PTPRR: variants seen among roughly 807,000 people sequenced by gnomAD.
PTPRR encodes the protein protein tyrosine phosphatase receptor type R, also known as receptor-type tyrosine-protein phosphatase R.
In PTPRR, 38 loss-of-function variants were observed where a neutral mutation model predicts 77.2. The observed-to-expected ratio is 0.49, with a 90% CI of 0.38 to 0.65. The LOEUF is 0.65. Ranked by LOEUF, PTPRR falls within the 30% of genes least tolerant of loss-of-function variation. PTPRR has a pLI of 0.00. For synonymous variants in PTPRR, 299 were observed against 283.1 expected, an observed-to-expected ratio of 1.06 and a Z score of -0.57; for missense variants, 744 against 799.2, an observed-to-expected ratio of 0.93 and a Z score of 0.83.
At chr12:70,894,914 A>G (rs1036250396) in intron 1 of PTPRR, among the ~76,000 whole-genome samples, 1 of 151,770 alleles carries the variant, frequency 6.6e-6, no homozygotes, top group Non-Finnish European at 1.5e-5. Context: ...CTCGGAACTG[A>G]AGACATGATG....
chr12:70,884,590 AGGCGCGGT>A (rs1243275241), intron 2 of PTPRR, among the ~76,000 whole-genome samples: 1 of 151,982 alleles, frequency 6.6e-6, no homozygotes, highest in African/African-American at 2.4e-5. Flanking sequence ...TTTTTTTGCC[AGGCGCGGT>A]GGCTCACGCC....
At chr12:70,712,874 CT>C (rs1478839226) in intron 6 of PTPRR, among the ~76,000 whole-genome samples, 4 of 149,536 alleles carry the variant, frequency 2.7e-5, no homozygotes, top group African/African-American at 9.9e-5. Flanking sequence ...ACTCCCTCCT[CT>C]TTTTTATTGA....
chr12:70,687,299 T>C (rs1329562599), intron 8 of PTPRR, among the ~76,000 whole-genome samples: 1 of 12,224 alleles, frequency 8.2e-5, no homozygotes. Context: ...CACTAGGATA[T>C]TTGAAATAAA....
chr12:70,859,394 T>C (rs1190399374), intron 2 of PTPRR, among the ~76,000 whole-genome samples: 1 of 152,080 alleles, frequency 6.6e-6, no homozygotes, highest in Non-Finnish European at 1.5e-5. Context: ...GGTTGACAAC[T>C]ACTGACATAG....
Position 70,743,035 on chromosome 12 carries a change from T to C in PTPRR, c.1007+2783A>G, listed in dbSNP as rs77894950. On this transcript the variant is annotated intron_variant, in intron 6 of 13. Coordinates refer to ENST00000283228, the MANE Select transcript of PTPRR (RefSeq NM_002849.4). Reference sequence around the variant, plus strand: ...GTCTGGATTTCAACAGAAAGGTAGATTGAGCTAAAGGTACTTTTTCAGGAA... The same window carrying C: ...GTCTGGATTTCAACAGAAAGGTAGACTGAGCTAAAGGTACTTTTTCAGGAA... 8.8e-3 allele frequency among the ~76,000 whole-genome samples: 1,336 copies of C among 152,168 alleles called. 14 individuals are homozygous for C. The highest frequency in any genetic ancestry group is 0.03 in the African/African-American group (1,259 of 41,512).
intron 13 of PTPRR, among the ~76,000 whole-genome samples, 164 bp downstream of exon 13, chr12:70,656,539 GA>G (rs1275842955): frequency 6.6e-6 from 1 of 151,920 alleles, no homozygotes; most frequent in Non-Finnish European, 1.5e-5. Context: ...AAAAAAGAGA[GA>G]AAAAAAGGCT....
rs967465623 is a variant in PTPRR at position 70,826,083 on chromosome 12, C to T, written c.358-61305G>A. On this transcript the variant is annotated intron_variant, in intron 2 of 13. Coordinates refer to ENST00000283228, the MANE Select transcript of PTPRR (RefSeq NM_002849.4). ...AAGACTTTCTGGAGTTCTGAGTGAG[C>T]CTCTGCTAGAGAAGGAGGAATGGAG... Among the ~76,000 whole-genome samples the T allele has an allele frequency of 4.6e-5, 7 of 151,848 alleles. No individual in the cohort carries two copies. The East Asian group carries it at 1.4e-3, about 29-fold the overall frequency.
intron 2 of PTPRR, among the ~76,000 whole-genome samples, chr12:70,770,423 T>A (rs1305248202): frequency 6.6e-6 from 1 of 152,190 alleles, no homozygotes; most frequent in Non-Finnish European, 1.5e-5. Context: ...TCACCATCAC[T>A]GGCCATCAGA....
At chr12:70,715,333 G>C (rs1469579696) in intron 6 of PTPRR, among the ~76,000 whole-genome samples, 2 of 152,186 alleles carry the variant, frequency 1.3e-5, no homozygotes, top group African/African-American at 4.8e-5. Flanking sequence ...AAGGCAAATG[G>C]AGGCAGGGTG....
At chr12:70,669,991 T>C (rs1448446684) in intron 10 of PTPRR, among the ~76,000 whole-genome samples, 26 of 152,144 alleles carry the variant, frequency 1.7e-4, no homozygotes. Context: ...TTTTCTATAA[T>C]TTTAGCAGAT....
At chr12:70,871,180 C>T (rs544012847) in intron 2 of PTPRR, among the ~76,000 whole-genome samples, 2 of 152,274 alleles carry the variant, frequency 1.3e-5, no homozygotes, top group South Asian at 4.1e-4. Flanking sequence ...GACTAACAGA[C>T]TCTCTGTGGG....
At chr12:70,715,072 G>A (rs1000620887) in intron 6 of PTPRR, among the ~76,000 whole-genome samples, 6 of 151,988 alleles carry the variant, frequency 3.9e-5, no homozygotes, top group African/African-American at 9.7e-5. Flanking sequence ...AACCTGCCCC[G>A]ATAGTCATGT....
At chr12:70,795,611 C>T (rs116145390) in intron 2 of PTPRR, among the ~76,000 whole-genome samples, 1,788 of 152,170 alleles carry the variant, frequency 0.012, 32 homozygotes, top group African/African-American at 0.04. Context: ...AATATCATTT[C>T]TATTTGTATC....
chr12:70,706,532 T>C (rs1039344965), intron 6 of PTPRR, among the ~76,000 whole-genome samples: 2 of 152,114 alleles, frequency 1.3e-5, no homozygotes, highest in Non-Finnish European at 2.9e-5. Flanking sequence ...ATTTTTAGTG[T>C]AGGAAATGAT....
chr12:70,810,022 C>A (rs1891781822), intron 2 of PTPRR, among the ~76,000 whole-genome samples: 1 of 152,118 alleles, frequency 6.6e-6, no homozygotes, highest in Admixed American at 6.6e-5. Flanking sequence ...CATAAGATAT[C>A]CCACAAGGAA....
chr12:70,654,276 A>G (rs1444780723), intron 13 of PTPRR, among the ~76,000 whole-genome samples: 1 of 152,236 alleles, frequency 6.6e-6, no homozygotes, highest in East Asian at 1.9e-4. Context: ...TGAAAAAAAA[A>G]TCTCGAAAGG....
intron 2 of PTPRR, among the ~76,000 whole-genome samples, chr12:70,807,022 T>A (rs1592767820): frequency 6.6e-6 from 1 of 152,200 alleles, no homozygotes; most frequent in South Asian, 2.1e-4. Context: ...TTCTGAGATG[T>A]CTGCAAGGAA....
intron 8 of PTPRR, among the ~76,000 whole-genome samples, chr12:70,690,693 T>A (rs1888025706): frequency 6.6e-6 from 1 of 152,226 alleles, no homozygotes; most frequent in Non-Finnish European, 1.5e-5. Flanking sequence ...TATGTAGCGG[T>A]TTGTTCACTG....
chr12:70,796,066 G>A (rs1404065897), intron 2 of PTPRR, among the ~76,000 whole-genome samples: 1 of 151,786 alleles, frequency 6.6e-6, no homozygotes, highest in African/African-American at 2.4e-5. Flanking sequence ...TGGGACTACA[G>A]GTGCTTGCCA....
Sources: gnomAD v4.1 joint callset for allele counts (sites outside exome capture counted in the v4.1 genomes callset) on GRCh38, gnomAD v4.1.1 for gene constraint, MANE v1.5 for transcripts, NCBI Gene and HGNC (gene_info 2026-07-23, HGNC 2026-07-21) for gene names.